PCDH15: variants seen among roughly 807,000 people sequenced by gnomAD.
PCDH15 encodes the protein protocadherin-15.
In PCDH15, 129 loss-of-function variants were observed where a neutral mutation model predicts 178.5. The ratio of observed to expected loss-of-function variants is 0.72; its 90% CI spans 0.63 to 0.84. PCDH15 has a LOEUF of 0.84. Among genes scored for constraint, PCDH15 ranks in the 40% least tolerant of loss-of-function variants. The pLI, the probability that PCDH15 is intolerant of heterozygous loss-of-function variation, is 0.00. For missense variants in PCDH15, 2,230 were observed against 2,099.9 expected, an observed-to-expected ratio of 1.06 and a Z score of -1.21; for synonymous variants, 800 against 732.0, an observed-to-expected ratio of 1.09 and a Z score of -1.50.
At chr10:54,298,915 T>C (rs1168935774) in intron 8 of PCDH15, among the ~76,000 whole-genome samples, 1 of 152,252 alleles carries the variant, frequency 6.6e-6, no homozygotes, top group African/African-American at 2.4e-5. Flanking sequence ...ATAGTAAGTA[T>C]GCTTATCTAA....
intron 26 of PCDH15, among the ~76,000 whole-genome samples, chr10:53,901,138 G>C (rs2082308169): frequency 6.7e-6 from 1 of 149,016 alleles, no homozygotes; most frequent in African/African-American, 2.4e-5. Context: ...TCTAAGTGCT[G>C]AAATTCCCAA....
chr10:54,390,283 CTTTTG>C (rs71007847), intron 3 of PCDH15, among the ~76,000 whole-genome samples: 121,776 of 150,734 alleles, frequency 0.81, 49,575 homozygotes, highest in East Asian at 0.99. Flanking sequence ...TGACCTATAC[CTTTTG>C]TTTTGTTTTG....
At chr10:55,154,996 T>G (rs1031529906) in intron 2 of PCDH15, among the ~76,000 whole-genome samples, 2 of 152,138 alleles carry the variant, frequency 1.3e-5, no homozygotes, top group Non-Finnish European at 2.9e-5. Flanking sequence ...AAAGCAACTA[T>G]TTTTAGTTCT....
intron 14 of PCDH15, among the ~76,000 whole-genome samples, chr10:54,143,502 G>A (rs570021910): frequency 5.3e-5 from 8 of 152,212 alleles, no homozygotes; most frequent in African/African-American, 7.2e-5. Flanking sequence ...TGATAACTTT[G>A]GAGATTGTGC....
intron 1 of PCDH15, among the ~76,000 whole-genome samples, chr10:55,278,861 A>T (rs1019398111): frequency 3.3e-5 from 5 of 152,186 alleles, no homozygotes; most frequent in Non-Finnish European, 5.9e-5. Flanking sequence ...GACAAACTGA[A>T]AAGTACCCAG....
Position 54,330,767 on chromosome 10 carries a change from T to C in PCDH15, c.595-1061A>G, listed in dbSNP as rs572157735. ...TATAATTTATAAGATAAATCTCTTA[T>C]TCTTAAGAAGACCTTATGTCACTTT... is the stretch of plus-strand genomic sequence containing the variant. On this transcript the variant is annotated intron_variant, in intron 6 of 37. Coordinates refer to ENST00000644397, the MANE Select transcript of PCDH15 (RefSeq NM_001384140.1). 7.9e-5 allele frequency among the ~76,000 whole-genome samples: 12 copies of C among 152,040 alleles called. No individual in the cohort carries two copies. The East Asian group carries it at 2.3e-3, about 29-fold the overall frequency.
At chr10:54,820,782 A>T (rs1953024584) in intron 3 of PCDH15, among the ~76,000 whole-genome samples, 1 of 152,028 alleles carries the variant, frequency 6.6e-6, no homozygotes, top group African/African-American at 2.4e-5. Flanking sequence ...CTTTAAAGCC[A>T]CATATTATCA....
At chr10:55,516,933 T>C (rs1291664393) in intron 2 of PCDH15, among the ~76,000 whole-genome samples, 3 of 152,036 alleles carry the variant, frequency 2.0e-5, no homozygotes, top group South Asian at 2.1e-4. Context: ...CTACCAACTA[T>C]AAAGGCTCAA....
chr10:54,503,306 T>C (rs2080885084), intron 3 of PCDH15, among the ~76,000 whole-genome samples: 1 of 145,854 alleles, frequency 6.9e-6, no homozygotes, highest in African/African-American at 2.5e-5. Flanking sequence ...TATTATATAA[T>C]ATATACATGT....
intron 2 of PCDH15, among the ~76,000 whole-genome samples, chr10:55,397,301 T>A (rs570399156): frequency 2.8e-4 from 42 of 152,250 alleles, no homozygotes; most frequent in Non-Finnish European, 4.9e-4. Flanking sequence ...AAACTCGAAA[T>A]TTTTGCACTT....
intron 3 of PCDH15, among the ~76,000 whole-genome samples, chr10:54,520,959 A>C (rs2082790053): frequency 6.6e-6 from 1 of 151,248 alleles, no homozygotes; most frequent in South Asian, 2.1e-4. Flanking sequence ...AACTATCGCA[A>C]GGACAAAAAA....
chr10:54,731,563 TACACACACACACACACACACACACAC>T (rs1159070523), intron 1 of PCDH15, among the ~76,000 whole-genome samples: 52 of 49,790 alleles, frequency 1.0e-3, no homozygotes, highest in Non-Finnish European at 1.6e-3. Context: ...TATATATATA[TACACACACACACACACACACACACAC>T]ACACATATAT....
At chr10:54,149,070 C>G (rs1252709456) in intron 14 of PCDH15, among the ~76,000 whole-genome samples, 1 of 152,022 alleles carries the variant, frequency 6.6e-6, no homozygotes, top group African/African-American at 2.4e-5. Flanking sequence ...AAACAAGAAG[C>G]TATTTCAGAC....
intron 1 of PCDH15, among the ~76,000 whole-genome samples, chr10:54,770,327 G>C (rs1373170749): frequency 6.6e-6 from 1 of 152,016 alleles, no homozygotes; most frequent in Non-Finnish European, 1.5e-5. Context: ...CAAATGATCA[G>C]ATTAGATTCA....
chr10:55,476,220 G>A (rs1840059405), intron 2 of PCDH15, among the ~76,000 whole-genome samples: 1 of 151,682 alleles, frequency 6.6e-6, no homozygotes, highest in African/African-American at 2.4e-5. Flanking sequence ...GACTTCAGAG[G>A]GCCCCGGGCA....
At chr10:55,549,379 C>T (rs1026646087) in intron 2 of PCDH15, among the ~76,000 whole-genome samples, 1 of 152,052 alleles carries the variant, frequency 6.6e-6, no homozygotes, top group Non-Finnish European at 1.5e-5. Flanking sequence ...ATGCTTACAA[C>T]ATTCAGTACA....
intron 2 of PCDH15, among the ~76,000 whole-genome samples, chr10:54,908,568 T>G (rs1182797943): frequency 6.6e-6 from 1 of 152,206 alleles, no homozygotes; most frequent in Non-Finnish European, 1.5e-5. Context: ...CATATCGTGT[T>G]ACAGTTACAG....
intron 4 of PCDH15, among the ~76,000 whole-genome samples, chr10:54,372,564 C>T (rs947716330): frequency 6.6e-6 from 1 of 151,826 alleles, no homozygotes; most frequent in Non-Finnish European, 1.5e-5. Context: ...CATAAAAGTA[C>T]AGTTCTAATA....
intron 1 of PCDH15, among the ~76,000 whole-genome samples, chr10:55,167,445 T>C (rs898145813): frequency 8.5e-5 from 13 of 152,282 alleles, no homozygotes; most frequent in African/African-American, 2.6e-4. Flanking sequence ...TTTTATACTA[T>C]ACCATTATTA....
Sources: allele counts gnomAD v4.1 joint callset (sites outside exome capture counted in the v4.1 genomes callset), GRCh38; gene constraint gnomAD v4.1.1; transcripts MANE v1.5; gene names NCBI Gene and HGNC (gene_info 2026-07-23, HGNC 2026-07-21).